ADIPOQ: variants seen among roughly 807,000 people sequenced by gnomAD.
The protein encoded by ADIPOQ is adiponectin.
In ADIPOQ, 19 loss-of-function variants were observed where a neutral mutation model predicts 16.1. The ratio of observed to expected loss-of-function variants is 1.18; its 90% CI spans 0.82 to 1.73. ADIPOQ has a LOEUF of 1.73. ADIPOQ is among the 40% of genes most tolerant of loss of function. The pLI is 0.00. For missense variants in ADIPOQ, 323 were observed against 308.3 expected (o/e 1.05, Z -0.36); for synonymous variants, 124 against 125.5 (o/e 0.99, Z 0.08).
intron 1 of ADIPOQ, among the ~76,000 whole-genome samples, chr3:186,851,457 AG>A (rs1429548297): frequency 3.9e-5 from 6 of 152,132 alleles, no homozygotes; most frequent in Non-Finnish European, 8.8e-5. Flanking sequence ...AGGGGATAAA[AG>A]TCCCTATACC....
chr3:186,844,367 G>A (rs1421020061), intron 1 of ADIPOQ, among the ~76,000 whole-genome samples: 1 of 151,982 alleles, frequency 6.6e-6, no homozygotes, highest in Non-Finnish European at 1.5e-5. Context: ...GGATGGTCTC[G>A]ATCTCTTGAC....
intron 1 of ADIPOQ, chr3:186,845,628 TC>T (rs1391029728): frequency 6.6e-6 from 1 of 152,074 alleles, no homozygotes; most frequent in Admixed American, 6.6e-5. Context: ...CACCTCAGCC[TC>T]CCAAAGTGCT....
At chr3:186,851,302 T>C (rs1711759733) in intron 1 of ADIPOQ, among the ~76,000 whole-genome samples, 1 of 152,226 alleles carries the variant, frequency 6.6e-6, no homozygotes, top group African/African-American at 2.4e-5. Context: ...AGGGTCTTAG[T>C]GATGCCTCTA....
chr3:186,843,733 T>C (rs1711510076), intron 1 of ADIPOQ, among the ~76,000 whole-genome samples: 3 of 151,372 alleles, frequency 2.0e-5, no homozygotes, highest in Admixed American at 2.0e-4. Flanking sequence ...TGGCATATAG[T>C]GGCAACTTAT....
At position 186,854,214 on chromosome 3, in the gene ADIPOQ, A is replaced by G. The variant is rs200935936; in HGVS notation, c.245A>G (p.Glu82Gly). 1.9e-6 allele frequency: 3 copies of G among 1,613,540 alleles called. No homozygotes were observed. The highest frequency in any genetic ancestry group is 4.5e-5 in the East Asian group (2 of 44,866). Residue 82 changes from glutamate (E) to glycine (G), a missense_variant, in exon 3 of 3, where the codon GAA becomes GGA. By Grantham distance (98) the Glu-to-Gly change is moderately conservative (BLOSUM62 -2). Transcript: ENST00000320741. Reference protein sequence around the residue: ...GLIGPKGDIGETGVPGAEGPR... With the variant: ...GLIGPKGDIGGTGVPGAEGPR... ...ATTGGTCCTAAGGGAGACATCGGTG[A>G]AACCGGAGTACCCGGGGCTGAAGGT...
intron 1 of ADIPOQ, among the ~76,000 whole-genome samples, chr3:186,847,026 A>G (rs576170762): frequency 2.0e-5 from 3 of 152,206 alleles, no homozygotes; most frequent in Admixed American, 1.3e-4. Context: ...TAGCTCTGGG[A>G]TCTTGGAAAG....
intron 1 of ADIPOQ, among the ~76,000 whole-genome samples, chr3:186,848,247 AAAGAAGGAAG>A (rs1336487398): frequency 7.8e-5 from 9 of 115,848 alleles, no homozygotes; most frequent in East Asian, 2.1e-4. Flanking sequence ...GGAAGGAAGG[AAAGAAGGAAG>A]GAAGGAAGGA....
intron 1 of ADIPOQ, among the ~76,000 whole-genome samples, chr3:186,851,682 C>T (rs1711772279): frequency 2.6e-5 from 4 of 152,068 alleles, no homozygotes; most frequent in Admixed American, 2.6e-4. Flanking sequence ...CTGGCTCTCT[C>T]ATGATTTCTT....
intron 1 of ADIPOQ, 118 bp from the exon 2 acceptor site, chr3:186,852,933 A>C: frequency 9.5e-7 from 1 of 1,051,580 alleles, no homozygotes; most frequent in Non-Finnish European, 1.4e-6. Flanking sequence ...TTGAATACTT[A>C]GAAAGCAGCT....
At chr3:186,842,993 G>A (rs182052) in intron 1 of ADIPOQ, among the ~76,000 whole-genome samples, 57,220 of 152,082 alleles carry the variant, frequency 0.38, 11,284 homozygotes, top group East Asian at 0.44. Flanking sequence ...TCTGAATTTT[G>A]CCCAGTTCGC....
chr3:186,853,402 C>A, intron 2 of ADIPOQ, 130 bp downstream of exon 2: 1 of 1,207,572 alleles, frequency 8.3e-7, no homozygotes, highest in Non-Finnish European at 1.2e-6. Context: ...CCATAAGCAA[C>A]CTGAAGTGAT....
intron 1 of ADIPOQ, among the ~76,000 whole-genome samples, chr3:186,846,505 A>G (rs140645649): frequency 8.3e-4 from 126 of 152,230 alleles, no homozygotes; most frequent in Non-Finnish European, 1.6e-3. Context: ...AAGTGCTGAG[A>G]TGACAGGTGT....
intron 1 of ADIPOQ, among the ~76,000 whole-genome samples, chr3:186,851,190 A>G (rs986950775): frequency 6.6e-6 from 1 of 152,224 alleles, no homozygotes; most frequent in African/African-American, 2.4e-5. Context: ...AGAAGAGACA[A>G]GCAAACTGAT....
At position 186,848,897 on chromosome 3, in the gene ADIPOQ, C is replaced by G. The variant is rs188404520; in HGVS notation, c.-8-4154C>G. On this transcript the variant is annotated intron_variant, in intron 1 of 2. Transcript: ENST00000320741. ...TGCAACTTTCTTTTACAATCAGAGT[C>G]CGTTCTTGGTCTTGGAAACTTCTGA... is the stretch of plus-strand genomic sequence containing the variant. Among the ~76,000 whole-genome samples, 586 of 152,292 alleles carry G rather than the reference C, an allele frequency of 3.8e-3. 3 individuals are homozygous for G. Among genetic ancestry groups the G allele is most frequent in the African/African-American group, 0.013 (527 of 41,558 alleles).
At chr3:186,846,373 A>C (rs1479070372) in intron 1 of ADIPOQ, among the ~76,000 whole-genome samples, 1 of 152,026 alleles carries the variant, frequency 6.6e-6, no homozygotes, top group Non-Finnish European at 1.5e-5. Flanking sequence ...CTGGGATTAC[A>C]GGCAGGCACC....
intron 1 of ADIPOQ, chr3:186,852,749 G>A (rs540788189): frequency 2.9e-4 from 106 of 366,622 alleles, no homozygotes; most frequent in African/African-American, 1.8e-3. Context: ...CCTGTGCTTG[G>A]TCCTGTGCTC....
rs961071399 is a variant in ADIPOQ, at chr3:186,854,872, A to T, written c.*168A>T. ...TTCATCGAGTAACTTTAAAAAAATC[A>T]TATGCTATGTTCCCAGTCCTGGGGA... On this transcript the variant is annotated 3_prime_UTR_variant, in exon 3 of 3. Transcript: ENST00000320741. 3.0e-6 allele frequency: 3 copies of T among 1,001,310 alleles called. No homozygotes were observed. The highest frequency in any genetic ancestry group is 2.9e-6 in the Non-Finnish European group (2 of 680,410). 62.0% of individuals were successfully genotyped at this position (1,001,310 alleles called of 1,614,324 possible). A position where few individuals can be genotyped will look rare whatever the true frequency, so the allele number is the denominator to read the frequency against.
intron 1 of ADIPOQ, chr3:186,852,809 A>G: frequency 2.0e-6 from 1 of 510,416 alleles, no homozygotes. Context: ...CTGAATTCAT[A>G]ATCTTGGTGA....
At position 186,853,328 on chromosome 3, in the gene ADIPOQ, A is replaced by G. The variant is rs962077762; in HGVS notation, c.214+56A>G. On this transcript the variant is annotated intron_variant, in intron 2 of 2. Coordinates refer to ENST00000320741, the MANE Select transcript of ADIPOQ (RefSeq NM_004797.4). ...GACCTCCTACACTGATATAAACTAT[A>G]TGAAGGCATTCATTATTAACTAAGG... The G allele has an allele frequency of 5.2e-6, 8 of 1,535,528 alleles. No individual in the cohort carries two copies. In the African/African-American group the frequency reaches 1.1e-4, roughly 21 times the overall value.
Sources: allele counts gnomAD v4.1 joint callset (sites outside exome capture counted in the v4.1 genomes callset), GRCh38; gene constraint gnomAD v4.1.1; transcripts MANE v1.5; gene names NCBI Gene and HGNC (gene_info 2026-07-23, HGNC 2026-07-21).